The following LRMDA variants were observed in gnomAD, a reference collection of about 807,000 sequenced individuals.
LRMDA encodes the protein leucine rich melanocyte differentiation associated.
Under a neutral mutation model 29.8 loss-of-function variants are expected in LRMDA, and 18 were observed. The observed-to-expected ratio is 0.60, with a 90% CI of 0.42 to 0.90. The LOEUF (loss-of-function observed/expected upper bound fraction) is 0.90, where lower values mean the gene tolerates loss of function less well. Ranked by LOEUF, LRMDA falls within the 40% of genes least tolerant of loss-of-function variation. LRMDA has a pLI of 0.00. For synonymous variants in LRMDA, 125 were observed against 109.4 expected (o/e 1.14, Z -0.89); for missense variants, 273 against 273.9 (o/e 1.00, Z 0.02).
At chr10:76,387,791 T>A (rs1841678068) in intron 6 of LRMDA, among the ~76,000 whole-genome samples, 1 of 152,182 alleles carries the variant, frequency 6.6e-6, no homozygotes, top group African/African-American at 2.4e-5. Flanking sequence ...AGATTGTGCT[T>A]ATAATAACAA....
At chr10:75,468,861 G>A (rs1034688080) in intron 2 of LRMDA, among the ~76,000 whole-genome samples, 3 of 152,106 alleles carry the variant, frequency 2.0e-5, no homozygotes, top group African/African-American at 7.2e-5. Flanking sequence ...ATGTCTTGGA[G>A]GCATGGATTG....
chr10:75,437,197 C>T (rs971497832), intron 1 of LRMDA, among the ~76,000 whole-genome samples: 1 of 152,024 alleles, frequency 6.6e-6, no homozygotes, highest in African/African-American at 2.4e-5. Flanking sequence ...TAGGTTGCAC[C>T]ATGTAAAAGA....
chr10:76,233,695 A>G (rs1420161875), intron 5 of LRMDA, among the ~76,000 whole-genome samples: 1 of 152,200 alleles, frequency 6.6e-6, no homozygotes, highest in African/African-American at 2.4e-5. Flanking sequence ...CCAGGAGTAG[A>G]TTCCATCTCA....
intron 2 of LRMDA, among the ~76,000 whole-genome samples, chr10:75,784,479 C>T (rs1196901505): frequency 6.6e-6 from 1 of 151,978 alleles, no homozygotes; most frequent in Non-Finnish European, 1.5e-5. Context: ...GCGGGAGGAT[C>T]ACGAGGTCAG....
intron 2 of LRMDA, among the ~76,000 whole-genome samples, chr10:75,489,701 G>A (rs1401779963): frequency 6.6e-6 from 1 of 152,156 alleles, no homozygotes; most frequent in Non-Finnish European, 1.5e-5. Context: ...ACCAGGAAGT[G>A]TTAGATTGTT....
chr10:76,035,999 T>C lies in LRMDA; in HGVS notation c.132-9T>C. Reference sequence around the variant, plus strand: ...AGGATCATTTTTCCTGTTGCCTTTGTCATTGCAGGTCACTGGAAGGACTGA... The same window carrying C: ...AGGATCATTTTTCCTGTTGCCTTTGCCATTGCAGGTCACTGGAAGGACTGA... On this transcript the variant is annotated splice_polypyrimidine_tract_variant and intron_variant, in intron 2 of 6. Transcript: ENST00000611255. The C allele has an allele frequency of 6.2e-7, 1 of 1,612,868 alleles. No homozygotes were observed. The highest frequency in any genetic ancestry group is 8.5e-7 in the Non-Finnish European group (1 of 1,179,602).
intron 2 of LRMDA, among the ~76,000 whole-genome samples, chr10:75,672,563 C>A (rs73280848): frequency 9.2e-5 from 1 of 10,886 alleles, no homozygotes; most frequent in African/African-American, 3.2e-4. Flanking sequence ...CCCCTCCCCT[C>A]CCCTTCCCTT....
chr10:76,436,959 C>T (rs1283061728), intron 6 of LRMDA, among the ~76,000 whole-genome samples: 1 of 152,136 alleles, frequency 6.6e-6, no homozygotes, highest in East Asian at 1.9e-4. Context: ...CCTTCCCACT[C>T]CTCAAACAGG....
At chr10:76,237,241 G>A (rs1852169065) in intron 5 of LRMDA, among the ~76,000 whole-genome samples, 1 of 152,078 alleles carries the variant, frequency 6.6e-6, no homozygotes, top group Non-Finnish European at 1.5e-5. Flanking sequence ...AAACATTACT[G>A]AAAATAAAAC....
intron 2 of LRMDA, among the ~76,000 whole-genome samples, chr10:75,779,692 G>A (rs781011172): frequency 6.6e-6 from 1 of 152,190 alleles, no homozygotes; most frequent in Non-Finnish European, 1.5e-5. Context: ...GAGGGTTGGT[G>A]TTGAGGGAGC....
intron 2 of LRMDA, among the ~76,000 whole-genome samples, chr10:75,765,778 C>T (rs1340895611): frequency 2.0e-5 from 3 of 151,360 alleles, no homozygotes; most frequent in South Asian, 2.1e-4. Context: ...CCCCCACCCC[C>T]GTCCCACTTC....
intron 2 of LRMDA, among the ~76,000 whole-genome samples, chr10:75,504,015 A>ATTTT (rs34217626): frequency 7.1e-6 from 1 of 141,792 alleles, no homozygotes; most frequent in Non-Finnish European, 1.5e-5. Context: ...TATTAATCCC[A>ATTTT]TTTTTTTTTT....
intron 5 of LRMDA, among the ~76,000 whole-genome samples, chr10:76,323,599 C>T (rs1413746068): frequency 1.3e-5 from 2 of 152,032 alleles, no homozygotes; most frequent in Non-Finnish European, 2.9e-5. Context: ...GCATACTGGC[C>T]ATTGGTTCTG....
In LRMDA at chr10:76,558,459, C is replaced by G. The variant is rs772269132; in HGVS notation, c.*1171C>G. 1.3e-5 allele frequency: 2 copies of G among 152,190 alleles called. No individual in the cohort carries two copies. The highest frequency in any genetic ancestry group is 2.9e-5 in the Non-Finnish European group (2 of 68,032). 9.4% of individuals were successfully genotyped at this position (152,190 alleles called of 1,614,324 possible). A position where few individuals can be genotyped will look rare whatever the true frequency, so the allele number is the denominator to read the frequency against. ...ATGTCACAAGGAACATAAGTGTGAT[C>G]ATTGCTAGTTGGGTGACTCAAAGTT... On this transcript the variant is annotated 3_prime_UTR_variant, in exon 7 of 7. Transcript: ENST00000611255.
intron 5 of LRMDA, among the ~76,000 whole-genome samples, chr10:76,295,942 G>A (rs1441669269): frequency 1.3e-5 from 2 of 152,138 alleles, no homozygotes; most frequent in Non-Finnish European, 2.9e-5. Context: ...ATCTAGCATA[G>A]TGCTTAATTG....
chr10:75,669,719 T>C (rs1049784139), intron 2 of LRMDA, among the ~76,000 whole-genome samples: 6 of 152,202 alleles, frequency 3.9e-5, no homozygotes, highest in Non-Finnish European at 8.8e-5. Context: ...AGACTAATAA[T>C]TTATTATTTG....
At chr10:75,631,416 C>A (rs544267454) in intron 2 of LRMDA, among the ~76,000 whole-genome samples, 32 of 152,140 alleles carry the variant, frequency 2.1e-4, no homozygotes, top group Non-Finnish European at 4.1e-4. Context: ...CCCCCCGCCC[C>A]GCCACCCAAC....
chr10:76,074,430 A>C (rs1427320409), intron 5 of LRMDA, among the ~76,000 whole-genome samples: 1 of 152,176 alleles, frequency 6.6e-6, no homozygotes, highest in Non-Finnish European at 1.5e-5. Flanking sequence ...TATTAAGGCT[A>C]ATTATTTTCA....
At chr10:75,556,749 A>AC (rs1554899922) in intron 2 of LRMDA, among the ~76,000 whole-genome samples, 1 of 142,768 alleles carries the variant, frequency 7.0e-6, no homozygotes, top group Non-Finnish European at 1.5e-5. Context: ...TGGTTGCATG[A>AC]TTGTTTTTTT....
Sources: allele counts gnomAD v4.1 joint callset (sites outside exome capture counted in the v4.1 genomes callset), GRCh38; gene constraint gnomAD v4.1.1; transcripts MANE v1.5; gene names NCBI Gene and HGNC (gene_info 2026-07-23, HGNC 2026-07-21).